Variants in KLHL8 observed in about 807,000 individuals in gnomAD.
KLHL8 encodes kelch like family member 8, also known as kelch-like protein 8.
Under a neutral mutation model 63.5 loss-of-function variants are expected in KLHL8, and 38 were observed. The ratio of observed to expected loss-of-function variants is 0.60; its 90% CI spans 0.46 to 0.78. The LOEUF (loss-of-function observed/expected upper bound fraction) is 0.78, where lower values mean the gene tolerates loss of function less well. Ranked by LOEUF, KLHL8 falls within the 30% of genes least tolerant of loss-of-function variation. The pLI is 0.00. For missense variants in KLHL8, 566 were observed against 752.4 expected, an observed-to-expected ratio of 0.75 and a Z score of 2.90; for synonymous variants, 224 against 254.3, an observed-to-expected ratio of 0.88 and a Z score of 1.13.
At chr4:87,208,697 C>G (rs550705105) in intron 1 of KLHL8, among the ~76,000 whole-genome samples, 1 of 152,080 alleles carries the variant, frequency 6.6e-6, no homozygotes, top group South Asian at 2.1e-4. Context: ...ATTATGACAG[C>G]AGGTATCACT....
chr4:87,184,182 T>C (rs1731162929), intron 3 of KLHL8, among the ~76,000 whole-genome samples: 2 of 152,224 alleles, frequency 1.3e-5, no homozygotes, highest in South Asian at 4.1e-4. Context: ...AAATAAGATA[T>C]AGCTGCAAGA....
chr4:87,183,487 G>A, intron 3 of KLHL8, 98 bp from the exon 4 acceptor site: 1 of 901,870 alleles, frequency 1.1e-6, no homozygotes, highest in African/African-American at 1.7e-5. Context: ...AACAAGATGA[G>A]TAATTCTCCA....
intron 1 of KLHL8, among the ~76,000 whole-genome samples, chr4:87,202,117 A>AT (rs921285171): frequency 3.3e-5 from 5 of 152,200 alleles, no homozygotes; most frequent in African/African-American, 1.2e-4. Context: ...AAAAAAAAAA[A>AT]GAGAAAGTAT....
chr4:87,226,906 A>AATATATAAATAATATATATT (rs1733024220), intron 1 of KLHL8, among the ~76,000 whole-genome samples: 3 of 18,208 alleles, frequency 1.6e-4, no homozygotes. Context: ...AATAATATAT[A>AATATATAAATAATATATATT]ATATATAAAT....
At chr4:87,178,027 A>G (rs1730897641) in intron 5 of KLHL8, among the ~76,000 whole-genome samples, 1 of 152,154 alleles carries the variant, frequency 6.6e-6, no homozygotes, top group Non-Finnish European at 1.5e-5. Context: ...TTATATTGTT[A>G]AAAATTCATT....
chr4:87,223,093 G>A (rs1222628938), upstream of KLHL8, among the ~76,000 whole-genome samples: 1 of 151,330 alleles, frequency 6.6e-6, no homozygotes, highest in Non-Finnish European at 1.5e-5. Context: ...TGGAATTACA[G>A]GCCCACACCA....
chr4:87,183,405 G>A lies in KLHL8; in HGVS notation c.766-16C>T. 6.6e-7 allele frequency: 1 copy of A among 1,518,002 alleles called. No homozygotes were observed. Among genetic ancestry groups the A allele is most frequent in the Non-Finnish European group, 8.9e-7 (1 of 1,121,988 alleles). 94.0% of individuals were successfully genotyped at this position (1,518,002 alleles called of 1,614,324 possible). ...GCAGGCGAACCTAAGATCATGAATA[G>A]TTGCAATACAACAAATTTTATATTT... is the stretch of plus-strand genomic sequence containing the variant. On this transcript the variant is annotated splice_polypyrimidine_tract_variant and intron_variant, in intron 3 of 9. Transcript: ENST00000273963.
intron 1 of KLHL8, among the ~76,000 whole-genome samples, chr4:87,198,995 A>C (rs1731808512): frequency 6.6e-6 from 1 of 152,246 alleles, no homozygotes; most frequent in Non-Finnish European, 1.5e-5. Flanking sequence ...TTACCACTGC[A>C]AGTGAATCTA....
chr4:87,196,194 T>C (rs967977881), intron 1 of KLHL8, among the ~76,000 whole-genome samples: 11 of 151,538 alleles, frequency 7.3e-5, no homozygotes, highest in African/African-American at 1.9e-4. Flanking sequence ...CTATAGATGA[T>C]AGGTAAAGTT....
chr4:87,191,310 A>T (rs1231899378), intron 2 of KLHL8, among the ~76,000 whole-genome samples: 2 of 152,134 alleles, frequency 1.3e-5, no homozygotes, highest in African/African-American at 4.8e-5. Context: ...CTCTACAAAA[A>T]GTGCAAAAAT....
At chr4:87,171,506 C>T (rs1009633073) in intron 6 of KLHL8, among the ~76,000 whole-genome samples, 1 of 152,162 alleles carries the variant, frequency 6.6e-6, no homozygotes, top group African/African-American at 2.4e-5. Context: ...GCTCCTCAAC[C>T]TCTTTTCTCT....
At chr4:87,225,717 G>A (rs529710242) in intron 1 of KLHL8, among the ~76,000 whole-genome samples, 4 of 152,274 alleles carry the variant, frequency 2.6e-5, no homozygotes, top group East Asian at 3.9e-4. Context: ...AGGTAGTTTG[G>A]GGGTGGGTCT....
chr4:87,200,207 G>T (rs550227439), intron 1 of KLHL8, among the ~76,000 whole-genome samples: 6 of 145,964 alleles, frequency 4.1e-5, no homozygotes, highest in African/African-American at 1.5e-4. Context: ...CTCCAAAGAT[G>T]ATATATAAAT....
chr4:87,170,015 AC>A, intron 8 of KLHL8, 63 bp downstream of exon 8: 1 of 1,261,728 alleles, frequency 7.9e-7, no homozygotes, highest in South Asian at 1.4e-5. Context: ...AATTTTTGTT[AC>A]TCTGTTATAT....
upstream of KLHL8, among the ~76,000 whole-genome samples, chr4:87,223,125 G>GTTTGTTTTGTTTTGT (rs397817772): frequency 0.23 from 34,367 of 147,632 alleles, 4,601 homozygotes; most frequent in Non-Finnish European, 0.3. Context: ...TAATTTTTTT[G>GTTTGTTTTGTTTTGT]TTTGTTTTGT....
At chr4:87,174,523 C>T (rs1309542645) in intron 6 of KLHL8, among the ~76,000 whole-genome samples, 2 of 152,176 alleles carry the variant, frequency 1.3e-5, no homozygotes, top group Admixed American at 6.5e-5. Context: ...AGGTGATCCG[C>T]CCATCTTGGC....
rs1334238872 is a variant in KLHL8 at position 87,185,414 on chromosome 4, T to A, written c.602A>T (p.Glu201Val). Residue 201 changes from glutamate (E) to valine (V), a missense_variant, in exon 3 of 10, where the codon GAG becomes GTG. Physicochemically the swap from Glu to Val is moderately radical, Grantham distance 121. Coordinates refer to ENST00000273963, the MANE Select transcript of KLHL8 (RefSeq NM_020803.5). ...TGATACACTTACAAAGTCTTCACAC[T>A]CCACTACTTCAGTAAAATGGTCACA... ...YACDHFTEVVECEDFVSVSPQ... is the reference protein window; with the variant it reads ...YACDHFTEVVVCEDFVSVSPQ... The A allele has an allele frequency of 5.0e-6, 8 of 1,614,194 alleles. No homozygotes were observed. The highest frequency in any genetic ancestry group is 6.8e-6 in the Non-Finnish European group (8 of 1,180,030).
chr4:87,204,405 G>A (rs1732037736), intron 1 of KLHL8, among the ~76,000 whole-genome samples: 1 of 151,722 alleles, frequency 6.6e-6, no homozygotes, highest in South Asian at 2.1e-4. Context: ...AAAGGTGGAA[G>A]TTTCTTACAC....
chr4:87,209,891 T>C (rs1732327279), intron 1 of KLHL8, among the ~76,000 whole-genome samples: 1 of 149,182 alleles, frequency 6.7e-6, no homozygotes, highest in Non-Finnish European at 1.5e-5. Context: ...CTGGCTCTAT[T>C]GGCCCAAGCT....
Sources: gnomAD v4.1 joint callset for allele counts (sites outside exome capture counted in the v4.1 genomes callset) on GRCh38, gnomAD v4.1.1 for gene constraint, MANE v1.5 for transcripts, NCBI Gene and HGNC (gene_info 2026-07-23, HGNC 2026-07-21) for gene names.